The following PIP4K2A variants were observed in gnomAD, a reference collection of about 807,000 sequenced individuals.
PIP4K2A encodes phosphatidylinositol 5-phosphate 4-kinase type-2 alpha.
A neutral mutation model predicts 42.9 loss-of-function variants in PIP4K2A; 14 were observed. The ratio of observed to expected loss-of-function variants is 0.33; its 90% CI spans 0.22 to 0.51. The LOEUF (loss-of-function observed/expected upper bound fraction) is 0.51. Ranked by LOEUF, PIP4K2A falls within the 20% of genes least tolerant of loss-of-function variation. PIP4K2A has a pLI of 0.97. For synonymous variants in PIP4K2A, 192 were observed against 192.2 expected (o/e 1.00, Z 0.01); for missense variants, 434 against 519.8 (o/e 0.83, Z 1.61).
At chr10:22,694,283 A>G (rs1169975641) in intron 1 of PIP4K2A, 1 of 152,206 alleles carries the variant, frequency 6.6e-6, no homozygotes, top group Non-Finnish European at 1.5e-5. Flanking sequence ...AGCTTTTACC[A>G]ACACTGACAG....
intron 1 of PIP4K2A, among the ~76,000 whole-genome samples, chr10:22,655,237 T>C (rs1263986625): frequency 1.3e-5 from 2 of 152,160 alleles, no homozygotes; most frequent in African/African-American, 2.4e-5. Flanking sequence ...CAAAATACCA[T>C]CTCTAAGGCA....
At position 22,561,565 on chromosome 10, in the gene PIP4K2A, G is replaced by GTTTTTTTTTTTTT. The variant is rs71394001; in HGVS notation, c.678+6273_678+6285dup. Among the ~76,000 whole-genome samples the GTTTTTTTTTTTTT allele has an allele frequency of 5.3e-5, 6 of 113,500 alleles. 3 individuals are homozygous for GTTTTTTTTTTTTT. The highest frequency in any genetic ancestry group is 2.0e-4 in the Admixed American group (2 of 10,078). The allele number at this position is 113,500 out of a possible 152,430, so 74.5% of individuals were successfully genotyped here. On this transcript the variant is annotated intron_variant, in intron 6 of 9. Transcript: ENST00000376573. ...TATGTCACCAGAGATTCTCTACGCA[G>GTTTTTTTTTTTTT]TTTTTTTTTTTTTTTTTTTTTTTTT...
At chr10:22,619,439 C>CTTTTTTT (rs746519034) in intron 1 of PIP4K2A, among the ~76,000 whole-genome samples, 2 of 137,508 alleles carry the variant, frequency 1.5e-5, no homozygotes, top group African/African-American at 2.8e-5. Context: ...TTTCTTTTTT[C>CTTTTTTT]TTTTTTTTTT....
chr10:22,651,472 C>A (rs1838995289), intron 1 of PIP4K2A, among the ~76,000 whole-genome samples: 1 of 152,196 alleles, frequency 6.6e-6, no homozygotes, highest in Admixed American at 6.5e-5. Flanking sequence ...GAGCCTGGGG[C>A]CTCCCACGCA....
chr10:22,697,064 T>TC (rs1484877860), intron 1 of PIP4K2A, among the ~76,000 whole-genome samples: 2 of 152,172 alleles, frequency 1.3e-5, no homozygotes, highest in African/African-American at 4.8e-5. Flanking sequence ...GCGTGACCTT[T>TC]CCTTTCTTTC....
At chr10:22,570,044 T>G (rs1836947244) in intron 5 of PIP4K2A, among the ~76,000 whole-genome samples, 1 of 151,972 alleles carries the variant, frequency 6.6e-6, no homozygotes, top group South Asian at 2.1e-4. Flanking sequence ...ACCAGATGCC[T>G]ACTTGTCCGA....
At chr10:22,572,604 CAAAAA>C (rs56245813) in intron 5 of PIP4K2A, among the ~76,000 whole-genome samples, 2 of 145,394 alleles carry the variant, frequency 1.4e-5, no homozygotes, top group African/African-American at 5.1e-5. Flanking sequence ...GACTCTTTCT[CAAAAA>C]AAAAAGAAAA....
chr10:22,599,486 T>C (rs1236024203), intron 3 of PIP4K2A, among the ~76,000 whole-genome samples: 1 of 152,218 alleles, frequency 6.6e-6, no homozygotes, highest in East Asian at 1.9e-4. Flanking sequence ...ACCATGAGGC[T>C]GTCTCTGGAT....
At position 22,605,130 on chromosome 10, in the gene PIP4K2A, G is replaced by A. The variant is rs534199285; in HGVS notation, c.339+2797C>T. Among the ~76,000 whole-genome samples, 9 of 151,468 alleles carry A rather than the reference G, an allele frequency of 5.9e-5. No individual in the cohort carries two copies. The South Asian group carries it at 8.3e-4, about 14-fold the overall frequency. ...GACACTGGGAAAGAAATATACGACT[G>A]AGGAGGGAAGAAGAGTATACCTCTG... On this transcript the variant is annotated intron_variant, in intron 3 of 9. Coordinates refer to ENST00000376573, the MANE Select transcript of PIP4K2A (RefSeq NM_005028.5).
intron 1 of PIP4K2A, among the ~76,000 whole-genome samples, chr10:22,666,690 C>T (rs1171445422): frequency 4.6e-5 from 7 of 152,134 alleles, no homozygotes; most frequent in Non-Finnish European, 8.8e-5. Flanking sequence ...GCACTGTTTC[C>T]GGCACCTACA....
chr10:22,583,654 A>G (rs1413584804), intron 4 of PIP4K2A, among the ~76,000 whole-genome samples: 1 of 152,212 alleles, frequency 6.6e-6, no homozygotes, highest in Non-Finnish European at 1.5e-5. Context: ...TTGCAGAAAC[A>G]AAACTCTCAG....
At chr10:22,664,120 TATATATATACATATATATATAC>T (rs1839280643) in intron 1 of PIP4K2A, among the ~76,000 whole-genome samples, 1 of 69,628 alleles carries the variant, frequency 1.4e-5, no homozygotes, top group African/African-American at 1.2e-4. Flanking sequence ...TATATACATA[TATATATATACATATATATATAC>T]ATATATATAC....
At chr10:22,650,244 G>A (rs1017740742) in intron 1 of PIP4K2A, among the ~76,000 whole-genome samples, 1 of 152,060 alleles carries the variant, frequency 6.6e-6, no homozygotes, top group Non-Finnish European at 1.5e-5. Flanking sequence ...ATCACTTACC[G>A]TTTTTTAGCC....
intron 1 of PIP4K2A, among the ~76,000 whole-genome samples, chr10:22,670,628 T>C: frequency 6.6e-6 from 1 of 152,220 alleles, no homozygotes; most frequent in South Asian, 2.1e-4. Flanking sequence ...GCATTTTCCA[T>C]AATATGTTAT....
chr10:22,683,578 A>G (rs1839703894), intron 1 of PIP4K2A, among the ~76,000 whole-genome samples: 1 of 152,166 alleles, frequency 6.6e-6, no homozygotes, highest in Non-Finnish European at 1.5e-5. Context: ...TGCTTTGTCA[A>G]CTGTCGAAAA....
chr10:22,541,204 T>TG (rs1474649880), intron 8 of PIP4K2A, among the ~76,000 whole-genome samples: 2 of 152,128 alleles, frequency 1.3e-5, no homozygotes, highest in African/African-American at 2.4e-5. Flanking sequence ...GGCCCTTCCA[T>TG]GGGGGAGGAC....
intron 5 of PIP4K2A, chr10:22,568,897 A>G: frequency 2.7e-6 from 2 of 737,286 alleles, no homozygotes; most frequent in East Asian, 5.4e-5. Context: ...CCCCTCCTGC[A>G]CTGGACACCC....
intron 7 of PIP4K2A, among the ~76,000 whole-genome samples, chr10:22,544,728 C>T (rs1488413526): frequency 2.0e-5 from 3 of 152,296 alleles, no homozygotes; most frequent in East Asian, 1.9e-4. Context: ...TCCATAGTGC[C>T]GCGTTTCTCA....
chr10:22,664,079 A>ATATATATATATACATATATATATATACG (rs1564459836), intron 1 of PIP4K2A, among the ~76,000 whole-genome samples: 1 of 80,144 alleles, frequency 1.2e-5, no homozygotes, highest in East Asian at 2.8e-4. Flanking sequence ...ATATATACGT[A>ATATATATATATACATATATATATATACG]TATATATATA....
Sources: gnomAD v4.1 joint callset for allele counts (sites outside exome capture counted in the v4.1 genomes callset) on GRCh38, gnomAD v4.1.1 for gene constraint, MANE v1.5 for transcripts, NCBI Gene and HGNC (gene_info 2026-07-23, HGNC 2026-07-21) for gene names.